Variants in IFI35 observed in about 807,000 individuals in gnomAD.
IFI35 encodes interferon induced protein 35.
IFI35 carries 30 observed loss-of-function variants against 28.6 expected under a neutral mutation model. The ratio of observed to expected loss-of-function variants is 1.05; its 90% CI spans 0.79 to 1.43. The LOEUF is 1.43. Ranked by LOEUF, IFI35 falls within the 40% of genes most tolerant of loss-of-function variation. The pLI, the probability that IFI35 is intolerant of heterozygous loss-of-function variation, is 0.00. For missense variants in IFI35, 372 were observed against 356.9 expected, an observed-to-expected ratio of 1.04 and a Z score of -0.34; for synonymous variants, 146 against 154.8, an observed-to-expected ratio of 0.94 and a Z score of 0.42.
Position 43,013,559 on chromosome 17 carries a change from C to G in IFI35, c.459C>G (p.Asp153Glu), listed in dbSNP as rs377676655. The change falls in exon 5 of 7, where the codon GAC (aspartate) becomes GAG (glutamate). Residue 153 changes from aspartate (D) to glutamate (E), a missense_variant. Coordinates refer to ENST00000415816, the MANE Select transcript of IFI35 (RefSeq NM_001330230.2). ...GGCTGAGTGAGGAGGAGCTGCTGGA[C>G]AAGCTAGAGATCTTCTTTGGCAAGA... ...SLRLSEEELL[D>E]KLEIFFGKTR... The G allele has an allele frequency of 4.3e-5, 69 of 1,614,004 alleles. No individual in the cohort carries two copies. The African/African-American group carries it at 8.0e-4, about 19-fold the overall frequency.
intron 1 of IFI35, among the ~76,000 whole-genome samples, chr17:43,008,618 G>T (rs1458868490): frequency 1.3e-5 from 2 of 150,242 alleles, no homozygotes; most frequent in African/African-American, 2.5e-5. Flanking sequence ...CCGCCCCATG[G>T]GTTCATGCCA....
intron 1 of IFI35, among the ~76,000 whole-genome samples, chr17:43,008,680 C>T (rs199613141): frequency 6.6e-5 from 10 of 151,330 alleles, no homozygotes; most frequent in East Asian, 4.0e-4. Flanking sequence ...CCCGCCACCA[C>T]GCCCAGCTAG....
rs2050462715 is a variant in IFI35, at chr17:43,011,985, C to G, written c.22-194C>G. ...AAGGCTCCTGCCCTTTCAAGAGCAG[C>G]TGAGATGAGGCCAGCCAAGCCCTGG... On this transcript the variant is annotated intron_variant, in intron 1 of 6. Transcript: ENST00000415816. The G allele has an allele frequency of 2.9e-5, 12 of 417,582 alleles. 1 individual carries two copies. The East Asian group carries it at 4.6e-4, about 16-fold the overall frequency. 25.9% of individuals were successfully genotyped at this position (417,582 alleles called of 1,614,324 possible).
At chr17:43,007,853 A>ATATATATATATATATATT (rs2050422641) in intron 1 of IFI35, among the ~76,000 whole-genome samples, 1 of 142,788 alleles carries the variant, frequency 7.0e-6, no homozygotes, top group South Asian at 2.2e-4. Flanking sequence ...AAATTTATAT[A>ATATATATATATATATATT]TATATATATA....
chr17:43,008,482 G>GGGAT (rs1423511372), intron 1 of IFI35, among the ~76,000 whole-genome samples: 2 of 146,420 alleles, frequency 1.4e-5, no homozygotes, highest in Non-Finnish European at 3.0e-5. Flanking sequence ...CCAAGTAGCT[G>GGGAT]GGATTATAGG....
rs757746415 is a variant in IFI35, at chr17:43,013,199, GCTCATGGGGAGC to G, written c.268+10_268+21del. On this transcript the variant is annotated splice_donor_region_variant and intron_variant, in intron 3 of 6. Coordinates refer to ENST00000415816, the MANE Select transcript of IFI35 (RefSeq NM_001330230.2). Reference sequence around the variant, plus strand: ...TCACCTTTGATGACCCCAAAGGTAAGCTCATGGGGAGCCTCAGGAGGGAGGTGGGGAGGGTTC... The same window carrying G: ...TCACCTTTGATGACCCCAAAGGTAAGCTCAGGAGGGAGGTGGGGAGGGTTC... 1 of 1,614,120 alleles carries G rather than the reference GCTCATGGGGAGC, an allele frequency of 6.2e-7. No individual in the cohort carries two copies. The highest frequency in any genetic ancestry group is 1.1e-5 in the South Asian group (1 of 91,080).
At chr17:43,010,332 G>A (rs910716027) in intron 1 of IFI35, among the ~76,000 whole-genome samples, 4 of 152,100 alleles carry the variant, frequency 2.6e-5, no homozygotes, top group African/African-American at 9.7e-5. Flanking sequence ...GGTCGAGGCT[G>A]CAGTGAGCCA....
At chr17:43,007,074 T>C (rs2050414043) in intron 1 of IFI35, 106 bp downstream of exon 1, 1 of 1,223,390 alleles carries the variant, frequency 8.2e-7, no homozygotes, top group African/African-American at 1.5e-5. Flanking sequence ...ACCCTGCCCA[T>C]CTCAGACCTG....
chr17:43,014,417 C>T lies in IFI35; in HGVS notation c.*118C>T. The T allele has an allele frequency of 1.6e-6, 1 of 621,526 alleles. No individual in the cohort carries two copies. The highest frequency in any genetic ancestry group is 2.7e-6 in the Non-Finnish European group (1 of 368,672). The allele number at this position is 621,526 out of a possible 1,614,324, so 38.5% of individuals were successfully genotyped here. On this transcript the variant is annotated 3_prime_UTR_variant, in exon 7 of 7. Coordinates refer to ENST00000415816, the MANE Select transcript of IFI35 (RefSeq NM_001330230.2). ...AACAGTGCGGAGGGGTCACACATTGCAAAACACTGCCCAGAACAGTAAAAA... is the reference window on the plus strand; with the variant it reads ...AACAGTGCGGAGGGGTCACACATTGTAAAACACTGCCCAGAACAGTAAAAA...
At chr17:43,008,101 C>G (rs941335646) in intron 1 of IFI35, among the ~76,000 whole-genome samples, 1 of 137,322 alleles carries the variant, frequency 7.3e-6, no homozygotes, top group African/African-American at 2.8e-5. Context: ...GTGGCATGAT[C>G]TCGGCTCACT....
chr17:43,012,257 G>A lies in IFI35; in HGVS notation c.100G>A (p.Gly34Arg), dbSNP rs777691679. The change falls in exon 2 of 7, where the codon GGG becomes AGG. Residue 34 changes from glycine (G) to arginine (R), a missense_variant. Physicochemically the swap from Gly to Arg is moderately radical, Grantham distance 125. Transcript: ENST00000415816. ...CCTGCAGCAGCTGAGAAAGGAGCTCGGGGACTCCCCCAAAGACAAGGTAAG... is the reference window on the plus strand; with the variant it reads ...CCTGCAGCAGCTGAGAAAGGAGCTCAGGGACTCCCCCAAAGACAAGGTAAG... ...WDLQQLRKEL[G>R]DSPKDKVPFS... The A allele has an allele frequency of 6.1e-5, 96 of 1,573,574 alleles. No homozygotes were observed. The highest frequency in any genetic ancestry group is 7.7e-5 in the Non-Finnish European group (89 of 1,159,070).
chr17:43,014,224 C>T lies in IFI35; in HGVS notation c.786C>T (p.Gly262=), dbSNP rs1555571557. 46 of 1,612,342 alleles carry T rather than the reference C, an allele frequency of 2.9e-5. 1 individual carries two copies. The South Asian group carries it at 4.2e-4, about 15-fold the overall frequency. The change falls in exon 7 of 7, where the codon GGC becomes GGT. Residue 262 remains glycine (G), a synonymous_variant. Coordinates refer to ENST00000415816, the MANE Select transcript of IFI35 (RefSeq NM_001330230.2). ...EIHFQKPTRG[G]GEVEALTVVP... ...ACTTCCAGAAGCCCACCCGCGGGGG[C>T]GGGGAGGTAGAGGCCCTGACAGTCG...
intron 6 of IFI35, 43 bp from the exon 7 acceptor site, chr17:43,014,065 C>T: frequency 1.3e-6 from 2 of 1,592,504 alleles, no homozygotes; most frequent in Non-Finnish European, 1.7e-6. Flanking sequence ...AGCCCCCAGC[C>T]CTTCTCCCAT....
chr17:43,008,080 G>A (rs2050425368), intron 1 of IFI35, among the ~76,000 whole-genome samples: 1 of 144,070 alleles, frequency 6.9e-6, no homozygotes, highest in Non-Finnish European at 1.5e-5. Flanking sequence ...TGTCTCCTAG[G>A]CTGGAGTACA....
Position 43,014,406 on chromosome 17 carries a change from G to T in IFI35, c.*107G>T. On this transcript the variant is annotated 3_prime_UTR_variant, in exon 7 of 7. Coordinates refer to ENST00000415816, the MANE Select transcript of IFI35 (RefSeq NM_001330230.2). ...GTATGTTCACCAACAGTGCGGAGGG[G>T]TCACACATTGCAAAACACTGCCCAG... 1.5e-6 allele frequency: 1 copy of T among 680,938 alleles called. No individual in the cohort carries two copies. The highest frequency in any genetic ancestry group is 3.3e-5 in the Admixed American group (1 of 30,070). 42.2% of individuals were successfully genotyped at this position (680,938 alleles called of 1,614,324 possible). A position where few individuals can be genotyped will look rare whatever the true frequency, so the allele number is the denominator to read the frequency against.
At chr17:43,007,096 G>C in intron 1 of IFI35, 128 bp downstream of exon 1, 3 of 1,027,678 alleles carry the variant, frequency 2.9e-6, no homozygotes, top group Non-Finnish European at 3.1e-6. Flanking sequence ...TGAAGGGCTG[G>C]GGAGAAACAC....
chr17:43,008,596 T>C (rs1368519273), intron 1 of IFI35, among the ~76,000 whole-genome samples: 1 of 140,366 alleles, frequency 7.1e-6, no homozygotes, highest in Non-Finnish European at 1.5e-5. Context: ...GGATCTCGGC[T>C]CACAGCAAGC....
rs1192116527 is a variant in IFI35 at position 43,013,824 on chromosome 17, G to A, written c.611G>A (p.Gly204Glu). Residue 204 changes from glycine to glutamate, a missense_variant, in exon 6 of 7, where the codon GGG becomes GAG. Gly to Glu is a moderately conservative substitution (Grantham distance 98). Coordinates refer to ENST00000415816, the MANE Select transcript of IFI35 (RefSeq NM_001330230.2). The part of the protein sequence containing the change: ...QIGQFTVPLG[G>E]QQVPLRVSPY... ...GGCCAGTTCACAGTGCCACTGGGTG[G>A]GCAGCAAGTCCCTCTGAGAGTCTCT... The A allele has an allele frequency of 3.1e-6, 5 of 1,612,220 alleles. No homozygotes were observed. The highest frequency in any genetic ancestry group is 1.1e-5 in the South Asian group (1 of 90,924).
intron 2 of IFI35, 153 bp downstream of exon 2, chr17:43,012,430 T>A (rs2050469256): frequency 2.0e-6 from 1 of 507,012 alleles, no homozygotes; most frequent in East Asian, 3.5e-5. Flanking sequence ...CACAGTGAAA[T>A]CCCATCTCTA....
Sources: allele counts gnomAD v4.1 joint callset (sites outside exome capture counted in the v4.1 genomes callset), GRCh38; gene constraint gnomAD v4.1.1; transcripts MANE v1.5; gene names NCBI Gene and HGNC (gene_info 2026-07-23, HGNC 2026-07-21).